Variants in UMAD1 observed in about 807,000 individuals in gnomAD.
The protein encoded by UMAD1 is UBAP1-MVB12-associated (UMA) domain containing 1.
A neutral mutation model predicts 6.1 loss-of-function variants in UMAD1; 8 were observed. The ratio of observed to expected loss-of-function variants is 1.30; its 90% CI spans 0.76 to 2.35. The LOEUF is 2.35. Among genes scored for constraint, UMAD1 ranks in the 30% most tolerant of loss-of-function variants. The pLI, the probability that UMAD1 is intolerant of heterozygous loss-of-function variation, is 0.00. For synonymous variants in UMAD1, 56 were observed against 31.4 expected, an observed-to-expected ratio of 1.78 and a Z score of -2.61; for missense variants, 130 against 78.4, an observed-to-expected ratio of 1.66 and a Z score of -2.49.
At position 7,855,420 on chromosome 7, in the gene UMAD1, C is replaced by T. The variant is rs144101131; in HGVS notation, c.157-21861C>T. Among the ~76,000 whole-genome samples the T allele has an allele frequency of 2.0e-3, 312 of 152,352 alleles. 1 individual carries two copies. Among genetic ancestry groups the T allele is most frequent in the African/African-American group, 7.3e-3 (302 of 41,586 alleles). On this transcript the variant is annotated intron_variant, in intron 3 of 3. Transcript: ENST00000682710. ...AGGCAAAGGTTCCCAGACATTAATT[C>T]TTGTCTTCTGCATGCCCCAAGACCA...
intron 3 of UMAD1, among the ~76,000 whole-genome samples, chr7:7,827,910 G>C (rs1783378833): frequency 6.6e-6 from 1 of 152,112 alleles, no homozygotes; most frequent in African/African-American, 2.4e-5. Context: ...TCTTCTTATA[G>C]GTTGTTCATA....
intron 3 of UMAD1, among the ~76,000 whole-genome samples, chr7:7,843,531 A>G (rs185355127): frequency 1.3e-5 from 2 of 152,344 alleles, no homozygotes; most frequent in Non-Finnish European, 2.9e-5. Context: ...TAACACGCAC[A>G]TAATATATGA....
chr7:7,686,082 A>G (rs917007041), intron 2 of UMAD1: 4 of 152,224 alleles, frequency 2.6e-5, no homozygotes, highest in African/African-American at 9.6e-5. Context: ...ACTTGGGAAG[A>G]GTTGACTGTT....
At chr7:7,764,720 C>T (rs1349533305) in intron 2 of UMAD1, among the ~76,000 whole-genome samples, 1 of 152,180 alleles carries the variant, frequency 6.6e-6, no homozygotes, top group East Asian at 1.9e-4. Flanking sequence ...TCCAATTACT[C>T]TGCCCCTTGT....
At position 7,699,723 on chromosome 7, in the gene UMAD1, G is replaced by A. The variant is rs889471179; in HGVS notation, c.82+26270G>A. ...ATATTTTTCAATTCCACAACTGCTG[G>A]TGCACCACAACTTGTAAGGTTCTGT... On this transcript the variant is annotated intron_variant, in intron 2 of 3. Coordinates refer to ENST00000682710, the MANE Select transcript of UMAD1 (RefSeq NM_001302348.2). 7.9e-5 allele frequency among the ~76,000 whole-genome samples: 12 copies of A among 152,270 alleles called. 1 individual carries two copies. Among genetic ancestry groups the A allele is most frequent in the African/African-American group, 2.9e-4 (12 of 41,538 alleles).
intron 2 of UMAD1, among the ~76,000 whole-genome samples, chr7:7,707,822 A>G (rs149118032): frequency 2.0e-3 from 305 of 152,286 alleles, no homozygotes; most frequent in African/African-American, 7.0e-3. Flanking sequence ...TTCTAAGGAA[A>G]CTGGTTTGCC....
At chr7:7,760,967 T>A (rs546877533) in intron 2 of UMAD1, among the ~76,000 whole-genome samples, 1 of 152,258 alleles carries the variant, frequency 6.6e-6, no homozygotes, top group South Asian at 2.1e-4. Context: ...ACTATGTGAA[T>A]CAGATCTGTG....
intron 2 of UMAD1, among the ~76,000 whole-genome samples, chr7:7,731,793 A>G (rs1781264777): frequency 6.6e-6 from 1 of 152,208 alleles, no homozygotes; most frequent in Non-Finnish European, 1.5e-5. Context: ...TAAAATGTGT[A>G]AAAGAAGCCT....
intron 2 of UMAD1, among the ~76,000 whole-genome samples, chr7:7,725,709 T>G (rs1335961994): frequency 6.6e-6 from 1 of 152,206 alleles, no homozygotes; most frequent in Admixed American, 6.5e-5. Context: ...TGATCGGGCT[T>G]GAGCAGGTGA....
intron 2 of UMAD1, among the ~76,000 whole-genome samples, chr7:7,771,787 G>A (rs1196751624): frequency 6.6e-6 from 1 of 151,746 alleles, no homozygotes; most frequent in African/African-American, 2.4e-5. Flanking sequence ...CTCCATGGGT[G>A]GGGGTGAGAG....
In UMAD1 at chr7:7,784,964, G is replaced by A. The variant is rs147741804; in HGVS notation, c.83-16706G>A. 5.6e-3 allele frequency among the ~76,000 whole-genome samples: 848 copies of A among 152,118 alleles called. 4 individuals are homozygous for A. The highest frequency in any genetic ancestry group is 0.012 in the Admixed American group (180 of 15,288). ...TTTTTAGTAGAGACGGGGTTTCACC[G>A]TGTCCTTCCTTCTTAGAAAGGTTCC... On this transcript the variant is annotated intron_variant, in intron 2 of 3. Transcript: ENST00000682710.
chr7:7,676,469 C>T (rs748399216), intron 2 of UMAD1, among the ~76,000 whole-genome samples: 1 of 152,154 alleles, frequency 6.6e-6, no homozygotes, highest in Non-Finnish European at 1.5e-5. Flanking sequence ...AACCACTGAA[C>T]TATCCATCTT....
chr7:7,659,467 C>G (rs1256696378), intron 1 of UMAD1, among the ~76,000 whole-genome samples: 1 of 152,190 alleles, frequency 6.6e-6, no homozygotes, highest in Non-Finnish European at 1.5e-5. Context: ...CCTCTAAACA[C>G]TGCTTTAGAT....
chr7:7,677,968 C>T (rs557135407), intron 2 of UMAD1, among the ~76,000 whole-genome samples: 13 of 152,060 alleles, frequency 8.5e-5, no homozygotes, highest in East Asian at 3.9e-4. Flanking sequence ...CCACCGCGCC[C>T]GGCCTATCTA....
intron 2 of UMAD1, among the ~76,000 whole-genome samples, chr7:7,754,762 TC>T (rs1253840934): frequency 1.3e-5 from 2 of 152,234 alleles, no homozygotes; most frequent in African/African-American, 4.8e-5. Flanking sequence ...TTTATTTTTT[TC>T]AGCTGTAAAT....
chr7:7,862,169 C>T (rs78611262), intron 3 of UMAD1, among the ~76,000 whole-genome samples: 1,672 of 152,098 alleles, frequency 0.011, 39 homozygotes, highest in African/African-American at 0.039. Context: ...CATTTATTTG[C>T]ATTCAGTCGA....
chr7:7,693,914 C>A (rs1392544467), intron 2 of UMAD1, among the ~76,000 whole-genome samples: 1 of 151,996 alleles, frequency 6.6e-6, no homozygotes, highest in Non-Finnish European at 1.5e-5. Context: ...CTTAAAATGG[C>A]AATTATTAAA....
chr7:7,668,176 G>C (rs959911246), intron 1 of UMAD1, among the ~76,000 whole-genome samples: 1 of 152,066 alleles, frequency 6.6e-6, no homozygotes, highest in Non-Finnish European at 1.5e-5. Flanking sequence ...GTCTCCCAAA[G>C]TGCTGGGATT....
chr7:7,655,058 A>G (rs970147022), intron 1 of UMAD1, among the ~76,000 whole-genome samples: 10 of 152,108 alleles, frequency 6.6e-5, no homozygotes, highest in African/African-American at 2.4e-4. Context: ...AATGCTTGCT[A>G]TGCTAGCAGG....
Sources: gnomAD v4.1 joint callset for allele counts (sites outside exome capture counted in the v4.1 genomes callset) on GRCh38, gnomAD v4.1.1 for gene constraint, MANE v1.5 for transcripts, NCBI Gene and HGNC (gene_info 2026-07-23, HGNC 2026-07-21) for gene names.